DCP1A: variants seen among roughly 807,000 people sequenced by gnomAD.
The protein encoded by DCP1A is decapping mRNA 1A.
Under a neutral mutation model 58.0 loss-of-function variants are expected in DCP1A, and 20 were observed. The observed-to-expected ratio is 0.34, with a 90% CI of 0.24 to 0.50. The LOEUF (loss-of-function observed/expected upper bound fraction) is 0.50. Among genes scored for constraint, DCP1A ranks in the 20% least tolerant of loss-of-function variants. The pLI is 0.98. For missense variants in DCP1A, 613 were observed against 712.2 expected (o/e 0.86, Z 1.59); for synonymous variants, 285 against 275.1 (o/e 1.04, Z -0.36).
chr3:53,286,373 A>G lies in DCP1A; in HGVS notation c.*1207T>C, dbSNP rs1438937717. ...AAACGAAGACACTTTCATTCAAAGA[A>G]TATCTTAAAATTACTATTGCTGAAA... On this transcript the variant is annotated 3_prime_UTR_variant, in exon 10 of 10. Transcript: ENST00000610213. The G allele has an allele frequency of 2.6e-5, 4 of 152,264 alleles. No homozygotes were observed. Among genetic ancestry groups the G allele is most frequent in the Non-Finnish European group, 5.9e-5 (4 of 68,046 alleles). 9.4% of individuals were successfully genotyped at this position (152,264 alleles called of 1,614,324 possible). A position where few individuals can be genotyped will look rare whatever the true frequency, so the allele number is the denominator to read the frequency against.
chr3:53,333,142 G>GTTTTTTT (rs1559703731), intron 3 of DCP1A: 2 of 148,204 alleles, frequency 1.3e-5, no homozygotes. Context: ...GCAGGGTTTT[G>GTTTTTTT]GTTTTTTTTT....
At chr3:53,305,800 GT>G (rs1205780440) in intron 5 of DCP1A, among the ~76,000 whole-genome samples, 1 of 151,594 alleles carries the variant, frequency 6.6e-6, no homozygotes. Context: ...ATTAGGTTAG[GT>G]TTTTTTTGTC....
intron 1 of DCP1A, among the ~76,000 whole-genome samples, chr3:53,345,818 A>C (rs1284204406): frequency 6.6e-6 from 1 of 152,138 alleles, no homozygotes; most frequent in African/African-American, 2.4e-5. Context: ...TCTTACCTTT[A>C]AAATGTTAGG....
At chr3:53,295,505 A>G (rs1707091261) in intron 6 of DCP1A, among the ~76,000 whole-genome samples, 1 of 152,222 alleles carries the variant, frequency 6.6e-6, no homozygotes, top group South Asian at 2.1e-4. Context: ...GGTCTGAAAT[A>G]AAAGATACCT....
intron 3 of DCP1A, among the ~76,000 whole-genome samples, chr3:53,323,496 C>T (rs768699500): frequency 3.8e-4 from 58 of 152,098 alleles, no homozygotes; most frequent in Admixed American, 5.2e-4. Context: ...CACTGAAGTC[C>T]AAATACAAAA....
chr3:53,287,977 C>T, intron 9 of DCP1A, 88 bp downstream of exon 9: 1 of 1,321,148 alleles, frequency 7.6e-7, no homozygotes, highest in Non-Finnish European at 1.0e-6. Context: ...TTTGAATTTA[C>T]TTTATGAACT....
chr3:53,339,707 CA>C (rs2089171675), intron 3 of DCP1A, among the ~76,000 whole-genome samples: 1 of 152,152 alleles, frequency 6.6e-6, no homozygotes, highest in Non-Finnish European at 1.5e-5. Context: ...TTCAATTTCA[CA>C]GGACTTTTGC....
chr3:53,310,482 C>A (rs1392290569), intron 5 of DCP1A, among the ~76,000 whole-genome samples: 1 of 152,190 alleles, frequency 6.6e-6, no homozygotes, highest in Non-Finnish European at 1.5e-5. Context: ...TACCTTGATA[C>A]AGTTATTACT....
intron 3 of DCP1A, among the ~76,000 whole-genome samples, chr3:53,339,491 T>C (rs1300069979): frequency 1.3e-5 from 2 of 152,216 alleles, no homozygotes; most frequent in East Asian, 3.8e-4. Flanking sequence ...AGTTATAAAA[T>C]ATTGACATTT....
At chr3:53,304,520 C>T (rs1559687697) in intron 5 of DCP1A, among the ~76,000 whole-genome samples, 1 of 152,062 alleles carries the variant, frequency 6.6e-6, no homozygotes, top group Non-Finnish European at 1.5e-5. Context: ...TTATTTTTAT[C>T]ACCTTTTTAA....
intron 7 of DCP1A, 33 bp from the exon 8 acceptor site, chr3:53,290,889 ATAAGAAGTTTCAAT>A (rs1706842200): frequency 6.4e-7 from 1 of 1,559,328 alleles, no homozygotes; most frequent in Non-Finnish European, 8.7e-7. Flanking sequence ...ACAGACGGAT[ATAAGAAGTTTCAAT>A]TAAGAAGACT....
intron 4 of DCP1A, among the ~76,000 whole-genome samples, chr3:53,317,748 C>T (rs1484114497): frequency 1.3e-5 from 2 of 152,018 alleles, no homozygotes; most frequent in Non-Finnish European, 2.9e-5. Flanking sequence ...AAAAAGTGTT[C>T]TAAAAACAAA....
chr3:53,343,372 G>T (rs2089243162), intron 2 of DCP1A, among the ~76,000 whole-genome samples: 1 of 152,112 alleles, frequency 6.6e-6, no homozygotes. Context: ...ACAGTTTCTT[G>T]CGTCTCCTTT....
rs782038259 is a variant in DCP1A at position 53,292,837 on chromosome 3, A to C, written c.625-10T>G. The C allele has an allele frequency of 1.2e-5, 19 of 1,593,622 alleles. No homozygotes were observed. Among genetic ancestry groups the C allele is most frequent in the Non-Finnish European group, 1.5e-5 (18 of 1,174,772 alleles). On this transcript the variant is annotated splice_polypyrimidine_tract_variant and intron_variant, in intron 6 of 9. Transcript: ENST00000610213. ...GTCCAGATGGAGCAGACTGAAAAAC[A>C]AATGAAACCACCCAGTCAAAGAGGT...
At position 53,287,586 on chromosome 3, in the gene DCP1A, G is replaced by A. The variant is rs1553685285; in HGVS notation, c.1743C>T (p.Asn581=). Residue 581 remains asparagine, a synonymous_variant, in exon 10 of 10, where the codon AAC becomes AAT. Transcript: ENST00000610213. The part of the protein sequence containing the change: ...QVLTKNKDNH[N]L ...TAGACTTATTCTGCTCCAGTCATAG[G>A]TTGTGGTTGTCTTTGTTCTTGGTCA... The A allele has an allele frequency of 1.2e-6, 2 of 1,606,114 alleles. No individual in the cohort carries two copies. Among genetic ancestry groups the A allele is most frequent in the East Asian group, 4.5e-5 (2 of 44,840 alleles).
chr3:53,330,291 G>C (rs1017269151), intron 3 of DCP1A, among the ~76,000 whole-genome samples: 1 of 152,084 alleles, frequency 6.6e-6, no homozygotes, highest in Non-Finnish European at 1.5e-5. Flanking sequence ...TAGCACTTTG[G>C]GAGGCTGAGG....
At chr3:53,328,153 G>A (rs1174577708) in intron 3 of DCP1A, among the ~76,000 whole-genome samples, 1 of 151,914 alleles carries the variant, frequency 6.6e-6, no homozygotes, top group Non-Finnish European at 1.5e-5. Context: ...AAAAGCAGAA[G>A]CTGAGCATGC....
intron 3 of DCP1A, among the ~76,000 whole-genome samples, chr3:53,326,936 T>TTCC (rs1553690622): frequency 6.6e-6 from 1 of 151,474 alleles, no homozygotes; most frequent in African/African-American, 2.4e-5. Flanking sequence ...GGAATGCTGG[T>TTCC]GTAAATGATT....
intron 4 of DCP1A, among the ~76,000 whole-genome samples, chr3:53,315,146 A>G (rs1437689673): frequency 6.6e-6 from 1 of 152,204 alleles, no homozygotes; most frequent in Non-Finnish European, 1.5e-5. Context: ...ACCTACCCCT[A>G]AGATGTCTGT....
Sources: allele counts gnomAD v4.1 joint callset (sites outside exome capture counted in the v4.1 genomes callset), GRCh38; gene constraint gnomAD v4.1.1; transcripts MANE v1.5; gene names NCBI Gene and HGNC (gene_info 2026-07-23, HGNC 2026-07-21).